Variants in OSTC observed in about 807,000 individuals in gnomAD.
OSTC encodes oligosaccharyltransferase complex non-catalytic subunit.
A neutral mutation model predicts 16.4 loss-of-function variants in OSTC; 16 were observed. That is an observed-to-expected ratio of 0.98 (90% confidence interval 0.66 to 1.49). The LOEUF (loss-of-function observed/expected upper bound fraction) is 1.49, where lower values mean the gene tolerates loss of function less well. Among genes scored for constraint, OSTC ranks in the 40% most tolerant of loss-of-function variants. The pLI is 0.00. For missense variants in OSTC, 139 were observed against 186.3 expected, an observed-to-expected ratio of 0.75 and a Z score of 1.48; for synonymous variants, 67 against 68.5, an observed-to-expected ratio of 0.98 and a Z score of 0.11.
chr4:108,650,830 C>G (rs1028643189), intron 1 of OSTC, 36 bp downstream of exon 1: 1 of 1,612,888 alleles, frequency 6.2e-7, no homozygotes, highest in Admixed American at 1.7e-5. Context: ...GGCTGAGGAG[C>G]GGAGAACTGA....
chr4:108,650,993 T>G (rs1578335392), intron 1 of OSTC, 199 bp downstream of exon 1: 1 of 681,342 alleles, frequency 1.5e-6, no homozygotes, highest in East Asian at 2.8e-5. Context: ...TTAAGAGAAT[T>G]CGTGTTCTCA....
rs114629868 is a variant in OSTC at position 108,666,500 on chromosome 4, G to A, written c.432-747G>A. ...CGAGGTGGATGGATTAACTGAGGTCGGGCATTTGAGACCAGCCTGGCCAAG... is the reference window on the plus strand; with the variant it reads ...CGAGGTGGATGGATTAACTGAGGTCAGGCATTTGAGACCAGCCTGGCCAAG... On this transcript the variant is annotated intron_variant, in intron 3 of 3. Coordinates refer to ENST00000361564, the MANE Select transcript of OSTC (RefSeq NM_021227.4). 5.0e-3 allele frequency among the ~76,000 whole-genome samples: 762 copies of A among 151,476 alleles called. 4 individuals are homozygous for A. The highest frequency in any genetic ancestry group is 0.017 in the African/African-American group (690 of 41,298).
intron 2 of OSTC, 53 bp from the exon 3 acceptor site, chr4:108,657,397 A>G: frequency 6.8e-7 from 1 of 1,481,146 alleles, no homozygotes; most frequent in Non-Finnish European, 9.3e-7. Flanking sequence ...ATTTCAATTT[A>G]AGGGAAACAT....
At chr4:108,663,959 G>T (rs1726929735) in intron 3 of OSTC, among the ~76,000 whole-genome samples, 1 of 152,034 alleles carries the variant, frequency 6.6e-6, no homozygotes, top group African/African-American at 2.4e-5. Context: ...ATTCTCACAG[G>T]CCTGAATATA....
chr4:108,650,760 T>C lies in OSTC; in HGVS notation c.105T>C (p.Ala35=). 1 of 1,614,152 alleles carries C rather than the reference T, an allele frequency of 6.2e-7. No individual in the cohort carries two copies. Among genetic ancestry groups the C allele is most frequent in the Non-Finnish European group, 8.5e-7 (1 of 1,180,028 alleles). The change falls in exon 1 of 4, where the codon GCT becomes GCC. Residue 35 remains alanine, a synonymous_variant. Transcript: ENST00000361564. Reference sequence around the variant, plus strand: ...TGCCGTCGGCCATGACTGTGTATGCTCTGGTGGTGGTGTCTTACTTCCTCA... The same window carrying C: ...TGCCGTCGGCCATGACTGTGTATGCCCTGGTGGTGGTGTCTTACTTCCTCA... ...LHMPSAMTVY[A]LVVVSYFLIT... is the part of the protein sequence containing the mutation.
intron 3 of OSTC, among the ~76,000 whole-genome samples, chr4:108,662,567 A>G (rs1307870938): frequency 6.6e-6 from 1 of 152,210 alleles, no homozygotes; most frequent in African/African-American, 2.4e-5. Flanking sequence ...GGTGATCAGT[A>G]TATACCTATT....
At chr4:108,664,486 A>G (rs1726942353) in intron 3 of OSTC, among the ~76,000 whole-genome samples, 2 of 149,154 alleles carry the variant, frequency 1.3e-5, no homozygotes, top group South Asian at 4.4e-4. Context: ...TTTCTTGTGA[A>G]GCTTATGTTT....
chr4:108,666,986 CAA>C (rs1727025845), intron 3 of OSTC, among the ~76,000 whole-genome samples: 1 of 147,996 alleles, frequency 6.8e-6, no homozygotes, highest in African/African-American at 2.5e-5. Flanking sequence ...GCCTGGGTGA[CAA>C]GAGCAAAACT....
intron 3 of OSTC, among the ~76,000 whole-genome samples, chr4:108,659,870 A>T (rs1431501705): frequency 6.6e-6 from 1 of 152,224 alleles, no homozygotes; most frequent in Non-Finnish European, 1.5e-5. Context: ...TTGCTTATAG[A>T]ATCAAATATG....
chr4:108,660,081 C>T (rs1385438764), intron 3 of OSTC, among the ~76,000 whole-genome samples: 1 of 152,206 alleles, frequency 6.6e-6, no homozygotes, highest in African/African-American at 2.4e-5. Flanking sequence ...CTTCATCTTA[C>T]TTTTGCAATC....
rs1004526017 is a variant in OSTC, at chr4:108,655,479, T to C, written c.140-85T>C. ...GAGACTCTGTCTCAAAAAAAGTAAA[T>C]GAACCTTAAGAGACAATGAAAACTA... On this transcript the variant is annotated intron_variant, in intron 1 of 3. Coordinates refer to ENST00000361564, the MANE Select transcript of OSTC (RefSeq NM_021227.4). 7 of 648,690 alleles carry C rather than the reference T, an allele frequency of 1.1e-5. No individual in the cohort carries two copies. In the African/African-American group the frequency reaches 1.4e-4, roughly 13 times the overall value. The allele number at this position is 648,690 out of a possible 1,614,324, so 40.2% of individuals were successfully genotyped here. A position where few individuals can be genotyped will look rare whatever the true frequency, so the allele number is the denominator to read the frequency against.
chr4:108,667,107 TAAAG>T (rs1727028093), intron 3 of OSTC, 136 bp from the exon 4 acceptor site: 1 of 644,648 alleles, frequency 1.6e-6, no homozygotes, highest in Non-Finnish European at 2.6e-6. Context: ...AGGACCATAA[TAAAG>T]AATCACGCAA....
At chr4:108,657,310 G>T in intron 2 of OSTC, 140 bp from the exon 3 acceptor site, 1 of 688,986 alleles carries the variant, frequency 1.5e-6, no homozygotes. Flanking sequence ...AATATCCAGA[G>T]GTATAGTAAA....
At chr4:108,664,961 A>G (rs111388452) in intron 3 of OSTC, among the ~76,000 whole-genome samples, 53 of 152,214 alleles carry the variant, frequency 3.5e-4, no homozygotes, top group African/African-American at 8.2e-4. Flanking sequence ...CTGGTTGTCA[A>G]GGTGGTTGTG....
chr4:108,664,828 G>A (rs538181104), intron 3 of OSTC, among the ~76,000 whole-genome samples: 6 of 152,214 alleles, frequency 3.9e-5, no homozygotes, highest in African/African-American at 1.2e-4. Context: ...TCTTGACCTC[G>A]TGATCCGCCT....
At position 108,667,421 on chromosome 4, in the gene OSTC, G is replaced by C; in HGVS notation, c.*156G>C. ...AAAACAGGAAGCGTATTGAAGCTTG[G>C]ACTAGAATTTCTTCTTGGTATTAAA... On this transcript the variant is annotated 3_prime_UTR_variant, in exon 4 of 4. Coordinates refer to ENST00000361564, the MANE Select transcript of OSTC (RefSeq NM_021227.4). The C allele has an allele frequency of 1.8e-6, 1 of 561,302 alleles. No individual in the cohort carries two copies. The allele number at this position is 561,302 out of a possible 1,614,324, so 34.8% of individuals were successfully genotyped here. A position where few individuals can be genotyped will look rare whatever the true frequency, so the allele number is the denominator to read the frequency against.
At chr4:108,663,100 T>G in intron 3 of OSTC, 1 of 419,012 alleles carries the variant, frequency 2.4e-6, no homozygotes, top group Non-Finnish European at 4.8e-6. Flanking sequence ...AATCATAATG[T>G]AAGTGTTAAT....
At position 108,657,569 on chromosome 4, in the gene OSTC, T is replaced by C; in HGVS notation, c.353T>C (p.Phe118Ser). Residue 118 changes from phenylalanine to serine, a missense_variant, in exon 3 of 4, where the codon TTC becomes TCC. By Grantham distance (155) the Phe-to-Ser change is radical. Transcript: ENST00000361564. ...CCAAATATCCCAAAACTCAATAGAT[T>C]CCTTCTTCTGTTCATTGGATTCGTC... is the stretch of plus-strand genomic sequence containing the variant. The part of the protein sequence containing the change: ...NAPNIPKLNR[F>S]LLLFIGFVCV... The C allele has an allele frequency of 6.2e-7, 1 of 1,613,764 alleles. No individual in the cohort carries two copies. Among genetic ancestry groups the C allele is most frequent in the Non-Finnish European group, 8.5e-7 (1 of 1,179,756 alleles).
chr4:108,657,312 T>C (rs2575619), intron 2 of OSTC, 138 bp from the exon 3 acceptor site: 554,783 of 682,864 alleles, frequency 0.81, 227,361 homozygotes, highest in East Asian at 1. Context: ...TATCCAGAGG[T>C]ATAGTAAAAT....
Sources: gnomAD v4.1 joint callset for allele counts (sites outside exome capture counted in the v4.1 genomes callset) on GRCh38, gnomAD v4.1.1 for gene constraint, MANE v1.5 for transcripts, NCBI Gene and HGNC (gene_info 2026-07-23, HGNC 2026-07-21) for gene names.